CSMD1: variants seen among roughly 807,000 people sequenced by gnomAD.
CSMD1 encodes the protein CUB and Sushi multiple domains 1.
In CSMD1, 213 loss-of-function variants were observed where a neutral mutation model predicts 417.5. That is an observed-to-expected ratio of 0.51 (90% CI 0.46 to 0.57). CSMD1 has a LOEUF of 0.57. Among genes scored for constraint, CSMD1 ranks in the 20% least tolerant of loss-of-function variants. CSMD1 has a pLI of 0.00. For missense variants in CSMD1, 6,923 were observed against 4,529.7 expected (o/e 1.53, Z -15.17); for synonymous variants, 2,862 against 1,736.8 (o/e 1.65, Z -16.11).
chr8:4,746,758 A>G (rs1033371792), intron 1 of CSMD1, among the ~76,000 whole-genome samples: 1 of 152,170 alleles, frequency 6.6e-6, no homozygotes, highest in Non-Finnish European at 1.5e-5. Context: ...AACCTTCACT[A>G]CAGCAGCGAG....
chr8:4,622,074 G>C (rs12334700), intron 2 of CSMD1, among the ~76,000 whole-genome samples: 70,971 of 151,416 alleles, frequency 0.47, 17,623 homozygotes, highest in African/African-American at 0.64. Flanking sequence ...ACATATTAGT[G>C]CAGTTCTAGG....
At chr8:4,080,898 T>G (rs567463884) in intron 3 of CSMD1, among the ~76,000 whole-genome samples, 1 of 152,170 alleles carries the variant, frequency 6.6e-6, no homozygotes, top group Non-Finnish European at 1.5e-5. Flanking sequence ...CCCAAGGTGA[T>G]AGTATTAAGA....
At chr8:3,933,487 C>T (rs747107609) in intron 5 of CSMD1, among the ~76,000 whole-genome samples, 4 of 152,104 alleles carry the variant, frequency 2.6e-5, no homozygotes, top group Non-Finnish European at 5.9e-5. Flanking sequence ...CCCCTTTCAG[C>T]CATGGTCTTC....
intron 7 of CSMD1, among the ~76,000 whole-genome samples, chr8:3,666,086 G>C (rs983581143): frequency 3.3e-5 from 5 of 152,170 alleles, no homozygotes; most frequent in African/African-American, 9.7e-5. Flanking sequence ...AGTAGAGACA[G>C]TGTTTCACCA....
chr8:4,757,643 A>G (rs553125528), intron 1 of CSMD1, among the ~76,000 whole-genome samples: 6 of 152,158 alleles, frequency 3.9e-5, no homozygotes, highest in Non-Finnish European at 7.4e-5. Flanking sequence ...TTTTATGAAT[A>G]ACACATCATA....
intron 8 of CSMD1, among the ~76,000 whole-genome samples, chr8:3,612,168 G>A (rs1176457624): frequency 1.3e-5 from 2 of 152,018 alleles, no homozygotes; most frequent in Non-Finnish European, 2.9e-5. Context: ...GCAAATGTAA[G>A]ACAAATTTGA....
intron 3 of CSMD1, among the ~76,000 whole-genome samples, chr8:4,150,104 A>G (rs1389020399): frequency 6.6e-6 from 1 of 152,116 alleles, no homozygotes; most frequent in African/African-American, 2.4e-5. Flanking sequence ...TTTTTAAGGG[A>G]GTGTATTTTC....
Position 3,205,501 on chromosome 8 carries a change from T to G in CSMD1, c.4984+3A>C, listed in dbSNP as rs1441732018. On this transcript the variant is annotated splice_donor_region_variant and intron_variant, in intron 31 of 69. Coordinates refer to ENST00000635120, the MANE Select transcript of CSMD1 (RefSeq NM_033225.6). ...TGAATTAAAAATACAAGGACATCCT[T>G]ACCGAATTCCTTTGGTACCGTGATG... The G allele has an allele frequency of 7.1e-7, 1 of 1,409,326 alleles. No homozygotes were observed. Among genetic ancestry groups the G allele is most frequent in the Non-Finnish European group, 9.9e-7 (1 of 1,012,998 alleles). The allele number at this position is 1,409,326 out of a possible 1,614,324, so 87.3% of individuals were successfully genotyped here.
At chr8:4,743,357 C>CA (rs1810743444) in intron 1 of CSMD1, among the ~76,000 whole-genome samples, 1 of 152,016 alleles carries the variant, frequency 6.6e-6, no homozygotes, top group Non-Finnish European at 1.5e-5. Context: ...AACAGCCCAA[C>CA]AAAAAACGTT....
Position 3,472,000 on chromosome 8 carries a change from C to G in CSMD1, c.1449-3176G>C, listed in dbSNP as rs1226622266. ...TGTCAGCACCCTACTCATCTGTGTT[C>G]CCCACTTTACACCCCTTTCACTTTG... is the stretch of plus-strand genomic sequence containing the variant. On this transcript the variant is annotated intron_variant, in intron 11 of 69. Coordinates refer to ENST00000635120, the MANE Select transcript of CSMD1 (RefSeq NM_033225.6). 2.0e-5 allele frequency among the ~76,000 whole-genome samples: 3 copies of G among 152,020 alleles called. No homozygotes were observed. In the East Asian group the frequency reaches 5.8e-4, roughly 30 times the overall value.
chr8:4,674,569 C>T (rs1167394076), intron 1 of CSMD1, among the ~76,000 whole-genome samples: 2 of 152,052 alleles, frequency 1.3e-5, no homozygotes, highest in Non-Finnish European at 2.9e-5. Flanking sequence ...AAAGATGTAC[C>T]ACTAACCGTT....
intron 1 of CSMD1, among the ~76,000 whole-genome samples, chr8:4,964,523 A>AAAAAGG (rs1809722803): frequency 6.6e-6 from 1 of 150,776 alleles, no homozygotes; most frequent in Non-Finnish European, 1.5e-5. Flanking sequence ...AAAAAAAAAA[A>AAAAAGG]AAGGAAGGAA....
At chr8:3,193,477 G>A (rs370067786) in intron 33 of CSMD1, among the ~76,000 whole-genome samples, 1 of 152,066 alleles carries the variant, frequency 6.6e-6, no homozygotes, top group Admixed American at 6.5e-5. Flanking sequence ...CGGGTGGGTG[G>A]AAATCAGACA....
intron 3 of CSMD1, among the ~76,000 whole-genome samples, chr8:4,215,146 G>T (rs1285369908): frequency 6.6e-6 from 1 of 152,152 alleles, no homozygotes; most frequent in East Asian, 1.9e-4. Context: ...TAGGGAGAGG[G>T]GACGCATCCC....
intron 49 of CSMD1, among the ~76,000 whole-genome samples, chr8:3,053,496 G>C (rs1395123320): frequency 6.6e-6 from 1 of 151,988 alleles, no homozygotes; most frequent in Non-Finnish European, 1.5e-5. Flanking sequence ...TCTGTTACAA[G>C]AAAACACGAC....
At chr8:4,511,653 C>T (rs1802828697) in intron 2 of CSMD1, among the ~76,000 whole-genome samples, 2 of 152,076 alleles carry the variant, frequency 1.3e-5, no homozygotes, top group Middle Eastern at 3.2e-3. Flanking sequence ...GGCAGAAACC[C>T]ACAAGCACAA....
At chr8:4,919,971 C>T (rs1460994856) in intron 1 of CSMD1, among the ~76,000 whole-genome samples, 1 of 152,158 alleles carries the variant, frequency 6.6e-6, no homozygotes, top group Non-Finnish European at 1.5e-5. Flanking sequence ...TTGGACTTCC[C>T]AGCCTCCAGA....
chr8:3,372,607 C>G (rs1311456888), intron 18 of CSMD1, among the ~76,000 whole-genome samples: 3 of 152,026 alleles, frequency 2.0e-5, no homozygotes, highest in African/African-American at 7.2e-5. Flanking sequence ...AAAGGAGGAG[C>G]TGGGGGTGAT....
chr8:3,375,607 C>T (rs1810258433), intron 18 of CSMD1, among the ~76,000 whole-genome samples: 1 of 151,932 alleles, frequency 6.6e-6, no homozygotes, highest in South Asian at 2.1e-4. Context: ...ATAATAGAAA[C>T]TTTCCACCAA....
Sources: gnomAD v4.1 joint callset for allele counts (sites outside exome capture counted in the v4.1 genomes callset) on GRCh38, gnomAD v4.1.1 for gene constraint, MANE v1.5 for transcripts, NCBI Gene and HGNC (gene_info 2026-07-23, HGNC 2026-07-21) for gene names.